ERLEC1: variants seen among roughly 807,000 people sequenced by gnomAD.
ERLEC1 encodes endoplasmic reticulum lectin 1, also known as ER lectin.
Under a neutral mutation model 68.0 loss-of-function variants are expected in ERLEC1, and 47 were observed. That is an observed-to-expected ratio of 0.69 (90% confidence interval 0.55 to 0.88). The LOEUF is 0.88. Ranked by LOEUF, ERLEC1 falls within the 40% of genes least tolerant of loss-of-function variation. The probability of loss-of-function intolerance (pLI) is 0.00; values close to 1 mark genes in which losing one functional copy is unlikely to be tolerated. For synonymous variants in ERLEC1, 225 were observed against 203.2 expected, an observed-to-expected ratio of 1.11 and a Z score of -0.91; for missense variants, 567 against 583.8, an observed-to-expected ratio of 0.97 and a Z score of 0.30.
rs1174005348 is a variant in ERLEC1, at chr2:53,787,100, TA to T, written c.-110del. On this transcript the variant is annotated 5_prime_UTR_variant, in exon 1 of 14. Transcript: ENST00000185150. ...GACGTGGCGGCGGTTGGGCCGGTGATACCCGGGCGCTTTATAGTCCCGCCGC... is the reference window on the plus strand; with the variant it reads ...GACGTGGCGGCGGTTGGGCCGGTGATCCCGGGCGCTTTATAGTCCCGCCGC... 1.5e-6 allele frequency: 2 copies of T among 1,362,694 alleles called. No individual in the cohort carries two copies. Among genetic ancestry groups the T allele is most frequent in the Non-Finnish European group, 1.9e-6 (2 of 1,043,996 alleles). The allele number at this position is 1,362,694 out of a possible 1,614,324, so 84.4% of individuals were successfully genotyped here. A position where few individuals can be genotyped will look rare whatever the true frequency, so the allele number is the denominator to read the frequency against.
At chr2:53,816,280 T>G in intron 13 of ERLEC1, among the ~76,000 whole-genome samples, 1 of 150,306 alleles carries the variant, frequency 6.7e-6, no homozygotes, top group Non-Finnish European at 1.5e-5. Context: ...TTTTTTTTTT[T>G]TTTTGAAATG....
intron 2 of ERLEC1, among the ~76,000 whole-genome samples, chr2:53,794,840 A>C (rs1675601147): frequency 6.6e-6 from 1 of 151,916 alleles, no homozygotes. Flanking sequence ...TTTTTAGTAG[A>C]GACGGGGTTT....
At chr2:53,811,093 A>G (rs1676569503) in intron 10 of ERLEC1, among the ~76,000 whole-genome samples, 1 of 152,212 alleles carries the variant, frequency 6.6e-6, no homozygotes, top group Non-Finnish European at 1.5e-5. Flanking sequence ...TAGGGAAGGT[A>G]TCATGCACTG....
At chr2:53,806,928 T>G (rs954329484) in intron 8 of ERLEC1, among the ~76,000 whole-genome samples, 1 of 152,196 alleles carries the variant, frequency 6.6e-6, no homozygotes, top group Non-Finnish European at 1.5e-5. Flanking sequence ...TAATTACCCT[T>G]TTCTCTACAT....
At chr2:53,810,916 A>T (rs1361626574) in intron 10 of ERLEC1, among the ~76,000 whole-genome samples, 3 of 139,864 alleles carry the variant, frequency 2.1e-5, no homozygotes, top group African/African-American at 7.4e-5. Flanking sequence ...ATACCTGATG[A>T]GTTTCTTAAT....
At position 53,801,513 on chromosome 2, in the gene ERLEC1, ATG is replaced by A. The variant is rs777666519; in HGVS notation, c.644_645del (p.Cys215SerfsTer3). ...CCAGATCAAGTACTGTGATGTACAT[ATG>A]TCATCCTGAATCTAAGCATGAAATT... ...RPRSSTVMYI[C>X]HPESKHEILS... On this transcript the variant is annotated frameshift_variant, in exon 7 of 14. Coordinates refer to ENST00000185150, the MANE Select transcript of ERLEC1 (RefSeq NM_015701.5). LOFTEE classifies it high-confidence loss of function. 1 of 1,614,102 alleles carries A rather than the reference ATG, an allele frequency of 6.2e-7. No individual in the cohort carries two copies. The highest frequency in any genetic ancestry group is 2.2e-5 in the East Asian group (1 of 44,876).
rs1039784794 is a variant in ERLEC1 at position 53,787,285 on chromosome 2, G to A, written c.75G>A (p.Leu25=). 3 of 1,609,494 alleles carry A rather than the reference G, an allele frequency of 1.9e-6. No individual in the cohort carries two copies. The highest frequency in any genetic ancestry group is 1.7e-5 in the Admixed American group (1 of 60,030). The change falls in exon 1 of 14, where the codon CTG becomes CTA. Residue 25 remains leucine (L), a synonymous_variant. Coordinates refer to ENST00000185150, the MANE Select transcript of ERLEC1 (RefSeq NM_015701.5). The part of the protein sequence containing the change: ...GPVLLVLCGL[L]EASGGGRALP... ...TGTTACTGGTCCTCTGCGGCCTCCT[G>A]GAGGCGTCCGGCGGCGGCCGAGCCC...
chr2:53,813,083 C>T lies in ERLEC1; in HGVS notation c.1226+10C>T, dbSNP rs1186363640. On this transcript the variant is annotated intron_variant, in intron 11 of 13. Coordinates refer to ENST00000185150, the MANE Select transcript of ERLEC1 (RefSeq NM_015701.5). ...GTACCCAGACAGTCAGGTAAAGATT[C>T]ACTTTACTTGCCTTTGGAGCTAATT... is the stretch of plus-strand genomic sequence containing the variant. 2 of 1,603,834 alleles carry T rather than the reference C, an allele frequency of 1.2e-6. No homozygotes were observed. Among genetic ancestry groups the T allele is most frequent in the Non-Finnish European group, 1.7e-6 (2 of 1,177,680 alleles).
At chr2:53,787,467 C>G in intron 1 of ERLEC1, 95 bp downstream of exon 1, 1 of 1,431,180 alleles carries the variant, frequency 7.0e-7, no homozygotes, top group South Asian at 1.3e-5. Flanking sequence ...TCCCCAAGAC[C>G]TTCTCTGCAG....
At chr2:53,812,500 G>A (rs1676643920) in intron 10 of ERLEC1, among the ~76,000 whole-genome samples, 1 of 152,200 alleles carries the variant, frequency 6.6e-6, no homozygotes, top group Non-Finnish European at 1.5e-5. Context: ...GATGAAGTCA[G>A]GCTGCAGTGG....
intron 3 of ERLEC1, among the ~76,000 whole-genome samples, chr2:53,796,823 T>G (rs1406534181): frequency 6.6e-6 from 1 of 151,462 alleles, no homozygotes; most frequent in Admixed American, 6.6e-5. Context: ...ATAATACCAA[T>G]AACAAATCAT....
chr2:53,814,285 CAAAT>C (rs2104339905), intron 11 of ERLEC1, among the ~76,000 whole-genome samples: 1 of 152,112 alleles, frequency 6.6e-6, no homozygotes, highest in African/African-American at 2.4e-5. Flanking sequence ...TATTTGTATA[CAAAT>C]AAATAATATG....
chr2:53,809,658 C>A (rs1676483820), intron 10 of ERLEC1, among the ~76,000 whole-genome samples: 1 of 152,022 alleles, frequency 6.6e-6, no homozygotes, highest in Non-Finnish European at 1.5e-5. Context: ...GCTAAGGTGG[C>A]AGGATCATTT....
chr2:53,809,541 T>C (rs1157654120), intron 10 of ERLEC1, among the ~76,000 whole-genome samples: 1 of 152,222 alleles, frequency 6.6e-6, no homozygotes, highest in Non-Finnish European at 1.5e-5. Flanking sequence ...GCTATACCTC[T>C]TTTGCTTTGA....
At chr2:53,794,014 A>T (rs1558592002) in intron 1 of ERLEC1, among the ~76,000 whole-genome samples, 1 of 152,162 alleles carries the variant, frequency 6.6e-6, no homozygotes, top group Non-Finnish European at 1.5e-5. Context: ...GAGAACAATA[A>T]ACACTGGAGA....
chr2:53,812,868 A>C, intron 10 of ERLEC1, 81 bp from the exon 11 acceptor site: 1 of 1,461,506 alleles, frequency 6.8e-7, no homozygotes, highest in Admixed American at 2.2e-5. Flanking sequence ...AGACTAGCTT[A>C]CAAGAAGGTC....
chr2:53,804,536 A>G (rs962823267), intron 8 of ERLEC1, among the ~76,000 whole-genome samples: 2 of 152,126 alleles, frequency 1.3e-5, no homozygotes, highest in African/African-American at 2.4e-5. Context: ...TCGGCCTTCC[A>G]CAGTGCTGGG....
chr2:53,813,389 G>C (rs1215794554), intron 11 of ERLEC1, among the ~76,000 whole-genome samples: 2 of 152,068 alleles, frequency 1.3e-5, no homozygotes, highest in Non-Finnish European at 2.9e-5. Context: ...TGTCATTTAA[G>C]AGGTAATTTA....
At chr2:53,792,526 C>T (rs1675466579) in intron 1 of ERLEC1, among the ~76,000 whole-genome samples, 1 of 152,096 alleles carries the variant, frequency 6.6e-6, no homozygotes, top group African/African-American at 2.4e-5. Flanking sequence ...TGTCTGTTTC[C>T]GTAAAAATGA....
Sources: gnomAD v4.1 joint callset for allele counts (sites outside exome capture counted in the v4.1 genomes callset) on GRCh38, gnomAD v4.1.1 for gene constraint, MANE v1.5 for transcripts, NCBI Gene and HGNC (gene_info 2026-07-23, HGNC 2026-07-21) for gene names.